Variants in LITAF observed in about 807,000 individuals in gnomAD.
LITAF encodes lipopolysaccharide induced TNF factor.
LITAF carries 9 observed loss-of-function variants against 14.5 expected under a neutral mutation model. That is an observed-to-expected ratio of 0.62 (90% CI 0.37 to 1.08). LITAF has a LOEUF of 1.08. Among genes scored for constraint, LITAF ranks in the 50% least tolerant of loss-of-function variants. The probability of loss-of-function intolerance (pLI) is 0.01; values close to 1 mark genes in which losing one functional copy is unlikely to be tolerated. For missense variants in LITAF, 206 were observed against 213.4 expected, an observed-to-expected ratio of 0.97 and a Z score of 0.22; for synonymous variants, 98 against 88.2, an observed-to-expected ratio of 1.11 and a Z score of -0.62.
In LITAF at chr16:11,553,283, C is replaced by T; in HGVS notation, c.377+250G>A. 2.1e-6 allele frequency: 1 copy of T among 470,542 alleles called. No individual in the cohort carries two copies. Among genetic ancestry groups the T allele is most frequent in the East Asian group, 4.1e-5 (1 of 24,406 alleles). The allele number at this position is 470,542 out of a possible 1,614,324, so 29.1% of individuals were successfully genotyped here. A position where few individuals can be genotyped will look rare whatever the true frequency, so the allele number is the denominator to read the frequency against. On this transcript the variant is annotated intron_variant, in intron 3 of 3. Transcript: ENST00000622633. The surrounding 1 kb of genome is among the most constrained non-coding windows in gnomAD (Gnocchi z 7.7). ...AAAATAAGCTGGGCGTGGTTGTGCACCCCTATAATCCCAGCTACACGGGAC... is the reference window on the plus strand; with the variant it reads ...AAAATAAGCTGGGCGTGGTTGTGCATCCCTATAATCCCAGCTACACGGGAC...
chr16:11,556,184 C>G, intron 2 of LITAF: 1 of 466,124 alleles, frequency 2.1e-6, no homozygotes, highest in Non-Finnish European at 3.8e-6. Flanking sequence ...AGTTCTGCAT[C>G]AGACCTCAGG....
upstream of LITAF, among the ~76,000 whole-genome samples, chr16:11,637,718 C>CA (rs1261267767): frequency 6.6e-6 from 1 of 151,318 alleles, no homozygotes; most frequent in Non-Finnish European, 1.5e-5. Flanking sequence ...CCTGTCTCCA[C>CA]AAAAAATTTA....
chr16:11,636,544 G>T (rs1388203312), upstream of LITAF, among the ~76,000 whole-genome samples: 2 of 152,204 alleles, frequency 1.3e-5, no homozygotes, highest in Non-Finnish European at 2.9e-5. Context: ...GAAGCTGGCT[G>T]CCCCACCCTA....
At chr16:11,582,949 T>C (rs1367737569) in intron 1 of LITAF, among the ~76,000 whole-genome samples, 1 of 152,220 alleles carries the variant, frequency 6.6e-6, no homozygotes, top group East Asian at 1.9e-4. Context: ...TTTGTTGTCA[T>C]GGAATTTAAC....
intron 3 of LITAF, chr16:11,629,215 A>T (rs1234943481): frequency 6.6e-6 from 1 of 151,484 alleles, no homozygotes. Context: ...GCAGGGAAGG[A>T]GCCTCTGTCC....
intron 1 of LITAF, among the ~76,000 whole-genome samples, chr16:11,568,633 C>T (rs556167352): frequency 4.0e-5 from 6 of 151,530 alleles, no homozygotes; most frequent in African/African-American, 1.5e-4. Context: ...GTAAGTGCTC[C>T]ACCTTCAGTG....
intron 1 of LITAF, among the ~76,000 whole-genome samples, chr16:11,592,507 C>T (rs1234925796): frequency 6.7e-6 from 1 of 149,550 alleles, no homozygotes; most frequent in East Asian, 2.0e-4. Flanking sequence ...CCTGGGAGGT[C>T]AACACTGCAG....
At position 11,622,369 on chromosome 16, in the gene LITAF, C is replaced by G. The variant is rs888562167; in HGVS notation, c.85+11164G>C. Among the ~76,000 whole-genome samples the G allele has an allele frequency of 7.2e-5, 11 of 152,370 alleles. No individual in the cohort carries two copies. The East Asian group carries it at 2.1e-3, about 29-fold the overall frequency. ...CCTGGGTGGGGAGATATCCCAAGAC[C>G]CCTCTGCCTGCCTGACATCTGAGCT... is the stretch of plus-strand genomic sequence containing the variant. On this transcript the variant is annotated intron_variant, in intron 3 of 3. Coordinates refer to the LITAF transcript ENST00000574848.
Position 11,556,608 on chromosome 16 carries a change from A to G in LITAF, c.123T>C (p.Pro41=), listed in dbSNP as rs747854714. 1 of 1,614,202 alleles carries G rather than the reference A, an allele frequency of 6.2e-7. No individual in the cohort carries two copies. Among genetic ancestry groups the G allele is most frequent in the African/African-American group, 1.3e-5 (1 of 75,060 alleles). Residue 41 remains proline (P), a synonymous_variant, in exon 2 of 4, where the codon CCT becomes CCC. Coordinates refer to ENST00000622633, the MANE Select transcript of LITAF (RefSeq NM_001136472.2). The part of the protein sequence containing the change: ...SYYPTPPAPM[P]GPTTGLVTGP... ...CCGTCACAAGCCCCGTAGTTGGCCC[A>G]GGCATGGGAGCTGGAGGTGTGGGGT...
chr16:11,623,621 T>C (rs1317420845), intron 3 of LITAF, among the ~76,000 whole-genome samples: 1 of 151,280 alleles, frequency 6.6e-6, no homozygotes, highest in Non-Finnish European at 1.5e-5. Flanking sequence ...GATCACAACC[T>C]TGCACTCTAG....
chr16:11,554,632 A>T (rs980232892), intron 2 of LITAF, among the ~76,000 whole-genome samples: 1 of 151,850 alleles, frequency 6.6e-6, no homozygotes, highest in Non-Finnish European at 1.5e-5. Context: ...GTTTCTAAAG[A>T]CAAAAATTAG....
intron 3 of LITAF, among the ~76,000 whole-genome samples, chr16:11,615,885 G>T (rs2065016648): frequency 6.6e-6 from 1 of 152,104 alleles, no homozygotes; most frequent in South Asian, 2.1e-4. Flanking sequence ...GATAGCTTTG[G>T]AATGCTTAGA....
chr16:11,561,483 T>G (rs2064365239), intron 1 of LITAF: 1 of 152,274 alleles, frequency 6.6e-6, no homozygotes, highest in African/African-American at 2.4e-5. Flanking sequence ...CCATCTTTCA[T>G]GTGGTAACAT....
upstream of LITAF, among the ~76,000 whole-genome samples, chr16:11,599,806 C>T (rs1055181320): frequency 4.6e-5 from 7 of 152,260 alleles, no homozygotes; most frequent in Admixed American, 2.6e-4. Context: ...TGCCTCAGGA[C>T]CTTTGCACGG....
intron 3 of LITAF, among the ~76,000 whole-genome samples, chr16:11,613,525 T>C (rs953291266): frequency 6.6e-6 from 1 of 152,226 alleles, no homozygotes; most frequent in Non-Finnish European, 1.5e-5. Context: ...TGATTCACAA[T>C]CTTCCCTAGA....
intron 1 of LITAF, chr16:11,561,065 T>A (rs534998785): frequency 6.6e-5 from 10 of 152,180 alleles, no homozygotes; most frequent in African/African-American, 2.2e-4. Flanking sequence ...TACATCCGGG[T>A]TGAACGTCGA....
intron 1 of LITAF, among the ~76,000 whole-genome samples, chr16:11,572,999 G>C (rs925985380): frequency 1.3e-5 from 2 of 149,944 alleles, no homozygotes; most frequent in Non-Finnish European, 2.9e-5. Context: ...CGCAATCTCA[G>C]CTCACTGCAA....
chr16:11,556,689 G>C lies in LITAF; in HGVS notation c.42C>G (p.Ser14=). 3 of 1,614,182 alleles carry C rather than the reference G, an allele frequency of 1.9e-6. No individual in the cohort carries two copies. Among genetic ancestry groups the C allele is most frequent in the Non-Finnish European group, 2.5e-6 (3 of 1,180,042 alleles). The change falls in exon 2 of 4, where the codon TCC becomes TCG. Residue 14 remains serine (S), a synonymous_variant. Transcript: ENST00000622633. ...PGPYQAATGP[S]SAPSAPPSYE... is the part of the protein sequence containing the mutation. ...AGGATGGAGGTGCGGATGGTGCTGA[G>C]GAAGGCCCAGTGGCCGCCTGGTAAG... is the stretch of plus-strand genomic sequence containing the variant.
chr16:11,583,529 G>A (rs1311316891), intron 1 of LITAF, among the ~76,000 whole-genome samples: 1 of 152,218 alleles, frequency 6.6e-6, no homozygotes, highest in Non-Finnish European at 1.5e-5. Flanking sequence ...AAAGACAAAA[G>A]ACAGAAGCCG....
Sources: allele counts gnomAD v4.1 joint callset (sites outside exome capture counted in the v4.1 genomes callset), GRCh38; gene constraint gnomAD v4.1.1; non-coding constraint Gnocchi (gnomAD v3.1); transcripts MANE v1.5; gene names NCBI Gene and HGNC (gene_info 2026-07-23, HGNC 2026-07-21).